The following CENPP variants were observed in gnomAD, a reference collection of about 807,000 sequenced individuals.
CENPP encodes the protein centromere protein P.
CENPP carries 24 observed loss-of-function variants against 35.6 expected under a neutral mutation model. The ratio of observed to expected loss-of-function variants is 0.67; its 90% CI spans 0.49 to 0.95. CENPP has a LOEUF of 0.95. Ranked by LOEUF, CENPP falls within the 40% of genes least tolerant of loss-of-function variation. The probability of loss-of-function intolerance (pLI) is 0.00; values close to 1 mark genes in which losing one functional copy is unlikely to be tolerated. For synonymous variants in CENPP, 120 were observed against 125.5 expected, an observed-to-expected ratio of 0.96 and a Z score of 0.29; for missense variants, 332 against 345.3, an observed-to-expected ratio of 0.96 and a Z score of 0.31.
intron 1 of CENPP, among the ~76,000 whole-genome samples, chr9:92,329,782 G>A (rs1422002985): frequency 6.6e-6 from 1 of 152,080 alleles, no homozygotes; most frequent in East Asian, 1.9e-4. Flanking sequence ...ATGTTGGCCC[G>A]ACTGGTCTTG....
At chr9:92,335,562 A>G (rs1365584622) in intron 2 of CENPP, among the ~76,000 whole-genome samples, 1 of 151,770 alleles carries the variant, frequency 6.6e-6, no homozygotes, top group Non-Finnish European at 1.5e-5. Flanking sequence ...TGTGAAAGGT[A>G]TAGTCAGTGT....
chr9:92,611,736 A>C (rs577648896), intron 6 of CENPP, among the ~76,000 whole-genome samples: 1 of 152,314 alleles, frequency 6.6e-6, no homozygotes, highest in South Asian at 2.1e-4. Context: ...GGAAAACCCC[A>C]AAGCAATGAG....
chr9:92,517,670 T>C, intron 5 of CENPP: 1 of 1,613,544 alleles, frequency 6.2e-7, no homozygotes, highest in Non-Finnish European at 8.5e-7. Context: ...ATATTTTGCT[T>C]AGCTAAATCT....
At chr9:92,389,953 A>G in intron 5 of CENPP, 1 of 1,611,872 alleles carries the variant, frequency 6.2e-7, no homozygotes, top group Non-Finnish European at 8.5e-7. Context: ...TTAGTAGTTG[A>G]TTTTCAGCAA....
At chr9:92,572,787 TC>T in intron 5 of CENPP, among the ~76,000 whole-genome samples, 1 of 152,312 alleles carries the variant, frequency 6.6e-6, no homozygotes, top group Non-Finnish European at 1.5e-5. Flanking sequence ...TTTGTTCATT[TC>T]TTTTTATTCT....
chr9:92,368,622 A>G lies in CENPP; in HGVS notation c.468-11141A>G, dbSNP rs545927938. On this transcript the variant is annotated intron_variant, in intron 4 of 7. Transcript: ENST00000375587. ...CTTTTGAGTGACCAAATATGGAGAA[A>G]CTAAATCTCACCTCTGGTATTTATA... 2.6e-5 allele frequency among the ~76,000 whole-genome samples: 4 copies of G among 152,324 alleles called. No individual in the cohort carries two copies. The South Asian group carries it at 8.3e-4, about 32-fold the overall frequency.
intron 5 of CENPP, among the ~76,000 whole-genome samples, chr9:92,388,349 A>G (rs932045283): frequency 9.2e-5 from 14 of 151,896 alleles, no homozygotes; most frequent in African/African-American, 3.4e-4. Context: ...TTTAGTGGAG[A>G]CAGAGTTTCA....
intron 5 of CENPP, among the ~76,000 whole-genome samples, chr9:92,419,636 G>A (rs183273496): frequency 8.5e-5 from 13 of 152,236 alleles, no homozygotes; most frequent in Middle Eastern, 3.4e-3. Context: ...CCGCCTGGTC[G>A]TTGTTAGCAT....
At chr9:92,600,963 A>G (rs982006795) in intron 5 of CENPP, among the ~76,000 whole-genome samples, 1 of 152,124 alleles carries the variant, frequency 6.6e-6, no homozygotes, top group South Asian at 2.1e-4. Context: ...GGGTCAGACA[A>G]GTGGGTCTGA....
At chr9:92,382,030 C>T (rs1236462221) in intron 5 of CENPP, among the ~76,000 whole-genome samples, 1 of 150,558 alleles carries the variant, frequency 6.6e-6, no homozygotes, top group Non-Finnish European at 1.5e-5. Flanking sequence ...ATTTGTATAT[C>T]TTTGAGGAAA....
Position 92,619,015 on chromosome 9 carries a change from A to T in CENPP, c.*5866A>T, listed in dbSNP as rs1439169382. On this transcript the variant is annotated 3_prime_UTR_variant, in exon 8 of 8. Transcript: ENST00000375587. The stretch of plus-strand genomic sequence containing the variant: ...GACATTAGGGAGAGGGGCGGCACAT[A>T]GGCTGGTTATTCAGAAGAGGAAGCA... 1.3e-5 allele frequency: 3 copies of T among 238,112 alleles called. No individual in the cohort carries two copies. The highest frequency in any genetic ancestry group is 2.5e-5 in the Non-Finnish European group (3 of 120,124). 14.7% of individuals were successfully genotyped at this position (238,112 alleles called of 1,614,324 possible).
chr9:92,444,876 A>G (rs1844512671), intron 5 of CENPP, among the ~76,000 whole-genome samples: 1 of 152,006 alleles, frequency 6.6e-6, no homozygotes, highest in African/African-American at 2.4e-5. Flanking sequence ...GGCCCCTAGG[A>G]GTTACCTGGC....
intron 5 of CENPP, chr9:92,457,563 T>C: frequency 9.5e-7 from 1 of 1,053,382 alleles, no homozygotes; most frequent in Non-Finnish European, 1.4e-6. Context: ...TCGCCATTTG[T>C]TTGTGGGTTT....
intron 5 of CENPP, among the ~76,000 whole-genome samples, chr9:92,567,387 T>TATATATATATATATATATATAG (rs1564005559): frequency 3.3e-5 from 3 of 89,808 alleles, no homozygotes; most frequent in South Asian, 3.1e-4. Context: ...TATATATATA[T>TATATATATATATATATATATAG]ATATATATAG....
intron 5 of CENPP, among the ~76,000 whole-genome samples, chr9:92,383,393 G>T (rs1842311731): frequency 6.6e-6 from 1 of 152,010 alleles, no homozygotes; most frequent in African/African-American, 2.4e-5. Flanking sequence ...GGATAGTATT[G>T]TTGTCTTAAC....
intron 5 of CENPP, among the ~76,000 whole-genome samples, chr9:92,551,983 G>GA (rs377523277): frequency 0.016 from 923 of 56,210 alleles, 63 homozygotes; most frequent in African/African-American, 0.14. Flanking sequence ...ATATGTGTGT[G>GA]TATATATGTG....
At position 92,542,322 on chromosome 9, in the gene CENPP, A is replaced by G. The variant is rs557064007; in HGVS notation, c.565-68992A>G. Among the ~76,000 whole-genome samples, 222 of 151,922 alleles carry G rather than the reference A, an allele frequency of 1.5e-3. 1 individual carries two copies. In the Middle Eastern group the frequency reaches 0.02, roughly 14 times the overall value. On this transcript the variant is annotated intron_variant, in intron 5 of 7. Transcript: ENST00000375587. ...CTTATCAGATATATAGTTTGCAAATATTTTCTCCCATTTTGTATGTTGTCC... is the reference window on the plus strand; with the variant it reads ...CTTATCAGATATATAGTTTGCAAATGTTTTCTCCCATTTTGTATGTTGTCC...
chr9:92,567,373 G>GATATATAGATATATATATATATAT (rs1554688236), intron 5 of CENPP, among the ~76,000 whole-genome samples: 37 of 129,078 alleles, frequency 2.9e-4, no homozygotes, highest in African/African-American at 8.9e-4. Context: ...ACATAAGATA[G>GATATATAGATATATATATATATAT]ATATATATAT....
intron 5 of CENPP, chr9:92,386,306 A>G (rs1223560241): frequency 1.9e-6 from 3 of 1,574,988 alleles, no homozygotes; most frequent in African/African-American, 1.3e-5. Flanking sequence ...TCTGTAAGGA[A>G]AATTTCATGT....
Sources: gnomAD v4.1 joint callset for allele counts (sites outside exome capture counted in the v4.1 genomes callset) on GRCh38, gnomAD v4.1.1 for gene constraint, MANE v1.5 for transcripts, NCBI Gene and HGNC (gene_info 2026-07-23, HGNC 2026-07-21) for gene names.